The following CREG1 variants were observed in gnomAD, a reference collection of about 807,000 sequenced individuals.
The protein encoded by CREG1 is cellular repressor of E1A stimulated genes 1, also known as protein CREG1.
Under a neutral mutation model 19.9 loss-of-function variants are expected in CREG1, and 20 were observed. That is an observed-to-expected ratio of 1.01 (90% CI 0.71 to 1.46). The LOEUF is 1.46. Ranked by LOEUF, CREG1 falls within the 40% of genes most tolerant of loss-of-function variation. The pLI is 0.00. For missense variants in CREG1, 290 were observed against 314.9 expected, an observed-to-expected ratio of 0.92 and a Z score of 0.60; for synonymous variants, 141 against 143.3, an observed-to-expected ratio of 0.98 and a Z score of 0.12.
intron 3 of CREG1, among the ~76,000 whole-genome samples, chr1:167,544,304 C>A (rs550873127): frequency 6.6e-6 from 1 of 151,654 alleles, no homozygotes; most frequent in Non-Finnish European, 1.5e-5. Flanking sequence ...CTGTCCTAGG[C>A]CCTGCTTGGA....
chr1:167,552,099 GC>G (rs1656431365), intron 1 of CREG1, among the ~76,000 whole-genome samples: 1 of 152,224 alleles, frequency 6.6e-6, no homozygotes, highest in Admixed American at 6.5e-5. Flanking sequence ...CAGCTGATGG[GC>G]CACCAGCCTG....
chr1:167,546,238 T>A lies in CREG1; in HGVS notation c.522A>T (p.Arg174=). The A allele has an allele frequency of 6.2e-7, 1 of 1,611,928 alleles. No individual in the cohort carries two copies. The highest frequency in any genetic ancestry group is 1.1e-5 in the South Asian group (1 of 90,660). ...AAGGCCAGGTTTTCATCTCAGGGTG[T>A]CGAATGAATAACGAATGCTTTGCAA... ...MDIAKHSLFI[R]HPEMKTWPSS... The change falls in exon 3 of 4, where the codon CGA becomes CGT. Residue 174 remains arginine (R), a synonymous_variant. Transcript: ENST00000370509.
At chr1:167,549,846 G>A (rs767702591) in intron 1 of CREG1, among the ~76,000 whole-genome samples, 1 of 151,778 alleles carries the variant, frequency 6.6e-6, no homozygotes, top group Admixed American at 6.6e-5. Flanking sequence ...CACCACACCC[G>A]GCTAATATTT....
chr1:167,546,408 C>T (rs1161244244), intron 2 of CREG1, 123 bp from the exon 3 acceptor site: 1 of 595,246 alleles, frequency 1.7e-6, no homozygotes, highest in Non-Finnish European at 2.8e-6. Context: ...CTTTGGAAGG[C>T]CAAGGCGGGC....
At chr1:167,544,777 G>C (rs1656289147) in intron 3 of CREG1, among the ~76,000 whole-genome samples, 1 of 152,220 alleles carries the variant, frequency 6.6e-6, no homozygotes, top group Non-Finnish European at 1.5e-5. Flanking sequence ...GGTTGCGCAA[G>C]AAAGGGATGT....
In CREG1 at chr1:167,553,709, T is replaced by C. The variant is rs2102154204; in HGVS notation, c.33A>G (p.Ala11=). The change falls in exon 1 of 4, where the codon GCA becomes GCG. Residue 11 remains alanine, a synonymous_variant. Coordinates refer to ENST00000370509, the MANE Select transcript of CREG1 (RefSeq NM_003851.3). MAGLSRGSAR[A]LLAALLASTL... is the part of the protein sequence containing the mutation. ...TCGACGCCAGCAGGGCGGCGAGCAG[T>C]GCGCGCGCGGACCCGCGGGATAGCC... 2 of 1,298,180 alleles carry C rather than the reference T, an allele frequency of 1.5e-6. No homozygotes were observed. Among genetic ancestry groups the C allele is most frequent in the African/African-American group, 1.5e-5 (1 of 64,718 alleles). 80.4% of individuals were successfully genotyped at this position (1,298,180 alleles called of 1,614,324 possible).
chr1:167,546,824 T>C (rs1314008959), intron 2 of CREG1, among the ~76,000 whole-genome samples: 2 of 152,254 alleles, frequency 1.3e-5, no homozygotes, highest in Non-Finnish European at 2.9e-5. Flanking sequence ...ACTGTAAGTA[T>C]AATACCAACT....
intron 3 of CREG1, 147 bp from the exon 4 acceptor site, chr1:167,542,448 C>A: frequency 1.4e-6 from 1 of 737,078 alleles, no homozygotes; most frequent in Non-Finnish European, 2.1e-6. Context: ...TACTAAATAA[C>A]CACTTGGGTT....
intron 2 of CREG1, 47 bp from the exon 3 acceptor site, chr1:167,546,332 A>G (rs1428859925): frequency 2.3e-6 from 3 of 1,286,964 alleles, no homozygotes. Context: ...GTAACACTTT[A>G]TCTTCTCATT....
At position 167,553,478 on chromosome 1, in the gene CREG1, G is replaced by A. The variant is rs1277009129; in HGVS notation, c.264C>T (p.Val88=). The change falls in exon 1 of 4, where the codon GTC becomes GTT. Residue 88 remains valine (V), a synonymous_variant. Transcript: ENST00000370509. ...EAVRGRPFAD[V]LSLSDGPPGA... Reference sequence around the variant, plus strand: ...CCGGGGGCCCGTCGCTGAGCGAGAGGACGTCGGCGAAGGGCCGGCCGCGCA... The same window carrying A: ...CCGGGGGCCCGTCGCTGAGCGAGAGAACGTCGGCGAAGGGCCGGCCGCGCA... 1 of 1,488,462 alleles carries A rather than the reference G, an allele frequency of 6.7e-7. No individual in the cohort carries two copies. Among genetic ancestry groups the A allele is most frequent in the Non-Finnish European group, 8.9e-7 (1 of 1,126,796 alleles). The allele number at this position is 1,488,462 out of a possible 1,614,324, so 92.2% of individuals were successfully genotyped here.
chr1:167,548,894 C>T (rs912829359), intron 1 of CREG1, among the ~76,000 whole-genome samples: 3 of 152,120 alleles, frequency 2.0e-5, no homozygotes, highest in African/African-American at 7.2e-5. Context: ...TGTCTAGAAA[C>T]TATTAGGCAA....
In CREG1 at chr1:167,546,203, T is replaced by C; in HGVS notation, c.557A>G (p.Asn186Ser). 2.5e-6 allele frequency: 4 copies of C among 1,613,542 alleles called. No homozygotes were observed. Among genetic ancestry groups the C allele is most frequent in the Non-Finnish European group, 3.4e-6 (4 of 1,179,792 alleles). Residue 186 changes from asparagine to serine, a missense_variant, in exon 3 of 4, where the codon AAT becomes AGT. By Grantham distance (46) the Asn-to-Ser change is conservative (BLOSUM62 1). Coordinates refer to ENST00000370509, the MANE Select transcript of CREG1 (RefSeq NM_003851.3). ...TATATTCAACTTAGCAAAGAACCAA[T>C]TATGGCTGGAAGGCCAGGTTTTCAT... ...PEMKTWPSSH[N>S]WFFAKLNITN...
chr1:167,548,666 G>A (rs1037169841), intron 1 of CREG1, among the ~76,000 whole-genome samples: 9 of 152,184 alleles, frequency 5.9e-5, no homozygotes, highest in African/African-American at 2.2e-4. Context: ...CATTCAAAAA[G>A]TAACACAAGT....
chr1:167,546,210 T>C lies in CREG1; in HGVS notation c.550A>G (p.Ser184Gly), dbSNP rs755385913. 6.2e-7 allele frequency: 1 copy of C among 1,613,420 alleles called. No homozygotes were observed. Among genetic ancestry groups the C allele is most frequent in the East Asian group, 2.2e-5 (1 of 44,848 alleles). The change falls in exon 3 of 4, where the codon AGC becomes GGC. Residue 184 changes from serine (S) to glycine (G), a missense_variant. Transcript: ENST00000370509. ...RHPEMKTWPS[S>G]HNWFFAKLNI... ...AACTTAGCAAAGAACCAATTATGGC[T>C]GGAAGGCCAGGTTTTCATCTCAGGG...
chr1:167,542,418 T>G, intron 3 of CREG1, 117 bp from the exon 4 acceptor site: 1 of 996,598 alleles, frequency 1.0e-6, no homozygotes, highest in Non-Finnish European at 1.5e-6. Flanking sequence ...GATTTTCAGT[T>G]CATTTCAACC....
chr1:167,549,505 C>A (rs1175828725), intron 1 of CREG1, among the ~76,000 whole-genome samples: 1 of 151,992 alleles, frequency 6.6e-6, no homozygotes, highest in Admixed American at 6.6e-5. Flanking sequence ...TTGCCTCAGC[C>A]TCCCGAGTAG....
rs1261034115 is a variant in CREG1, at chr1:167,553,457, G to A, written c.285C>T (p.Pro95=). ...FADVLSLSDG[P]PGAGSGVPYF... is the part of the protein sequence containing the mutation. ...AGGGCACGCCGCTGCCCGCGCCCGG[G>A]GGCCCGTCGCTGAGCGAGAGGACGT... Residue 95 remains proline (P), a synonymous_variant, in exon 1 of 4, where the codon CCC becomes CCT. Coordinates refer to ENST00000370509, the MANE Select transcript of CREG1 (RefSeq NM_003851.3). The A allele has an allele frequency of 6.7e-7, 1 of 1,482,560 alleles. No individual in the cohort carries two copies. The highest frequency in any genetic ancestry group is 2.9e-5 in the East Asian group (1 of 34,152). 91.8% of individuals were successfully genotyped at this position (1,482,560 alleles called of 1,614,324 possible).
In CREG1 at chr1:167,553,419, C is replaced by T. The variant is rs1355764810; in HGVS notation, c.323G>A (p.Ser108Asn). 13 of 1,459,750 alleles carry T rather than the reference C, an allele frequency of 8.9e-6. 1 individual carries two copies. In the Admixed American group the frequency reaches 1.8e-4, roughly 20 times the overall value. 90.4% of individuals were successfully genotyped at this position (1,459,750 alleles called of 1,614,324 possible). A position where few individuals can be genotyped will look rare whatever the true frequency, so the allele number is the denominator to read the frequency against. The change falls in exon 1 of 4, where the codon AGC becomes AAC. Residue 108 changes from serine (S) to asparagine (N), a missense_variant. Coordinates refer to ENST00000370509, the MANE Select transcript of CREG1 (RefSeq NM_003851.3). ...GTTGCTCACGGAGAGCTGCAGCGGG[C>T]TCAGGTAGAAATAGGGCACGCCGCT... ...AGSGVPYFYL[S>N]PLQLSVSNLQ... is the part of the protein sequence containing the mutation.
At chr1:167,544,411 G>C (rs16859185) in intron 3 of CREG1, among the ~76,000 whole-genome samples, 28,563 of 151,910 alleles carry the variant, frequency 0.19, 2,981 homozygotes, top group East Asian at 0.31. Context: ...GAAAAAGACA[G>C]AGATTAAATA....
Sources: allele counts gnomAD v4.1 joint callset (sites outside exome capture counted in the v4.1 genomes callset), GRCh38; gene constraint gnomAD v4.1.1; transcripts MANE v1.5; gene names NCBI Gene and HGNC (gene_info 2026-07-23, HGNC 2026-07-21).